Variants in CTSB observed in about 807,000 individuals in gnomAD.
CTSB encodes APP secretase.
Under a neutral mutation model 44.3 loss-of-function variants are expected in CTSB, and 57 were observed. That is an observed-to-expected ratio of 1.29 (90% CI 1.04 to 1.60). The LOEUF (loss-of-function observed/expected upper bound fraction) is 1.60. Ranked by LOEUF, CTSB falls within the 40% of genes most tolerant of loss-of-function variation. The pLI is 0.00. For synonymous variants in CTSB, 320 were observed against 168.0 expected, an observed-to-expected ratio of 1.91 and a Z score of -7.00; for missense variants, 768 against 443.0, an observed-to-expected ratio of 1.73 and a Z score of -6.59.
Position 11,843,158 on chromosome 8 carries a change from A to G in CTSB, c.*1967T>C, listed in dbSNP as rs1302314848. ...GAGGTGAGGTTTCAGCATGTTGGCC[A>G]GGCTGGTCTTGAACTCCTGACCTTG... is the stretch of plus-strand genomic sequence containing the variant. On this transcript the variant is annotated 3_prime_UTR_variant, in exon 10 of 10. Coordinates refer to ENST00000353047, the MANE Select transcript of CTSB (RefSeq NM_001908.5). The G allele has an allele frequency of 2.0e-5, 3 of 151,594 alleles. No individual in the cohort carries two copies. Among genetic ancestry groups the G allele is most frequent in the African/African-American group, 7.3e-5 (3 of 41,146 alleles). 9.4% of individuals were successfully genotyped at this position (151,594 alleles called of 1,614,324 possible).
chr8:11,843,987 G>A lies in CTSB; in HGVS notation c.*1138C>T, dbSNP rs1021901133. 1 of 152,222 alleles carries A rather than the reference G, an allele frequency of 6.6e-6. No homozygotes were observed. The highest frequency in any genetic ancestry group is 1.5e-5 in the Non-Finnish European group (1 of 68,078). The allele number at this position is 152,222 out of a possible 1,614,324, so 9.4% of individuals were successfully genotyped here. A position where few individuals can be genotyped will look rare whatever the true frequency, so the allele number is the denominator to read the frequency against. On this transcript the variant is annotated 3_prime_UTR_variant, in exon 10 of 10. Coordinates refer to ENST00000353047, the MANE Select transcript of CTSB (RefSeq NM_001908.5). ...GCTGCAGGTTGCAGTGAGCTGAGAA[G>A]GCGCCACTGCACTCCAGCCTGGGAG...
intron 1 of CTSB, among the ~76,000 whole-genome samples, chr8:11,855,781 G>A (rs966310154): frequency 6.4e-4 from 97 of 152,272 alleles, no homozygotes; most frequent in African/African-American, 2.3e-3. Context: ...ACTTTGGGAG[G>A]CTGAGGCAGG....
chr8:11,859,194 T>A (rs561796987), intron 1 of CTSB, among the ~76,000 whole-genome samples: 1 of 152,070 alleles, frequency 6.6e-6, no homozygotes, highest in Admixed American at 6.6e-5. Flanking sequence ...AGAGCACTTA[T>A]GAGAAAGCAC....
At chr8:11,865,237 G>A (rs1050938537) in intron 1 of CTSB, among the ~76,000 whole-genome samples, 16 of 152,116 alleles carry the variant, frequency 1.1e-4, no homozygotes, top group African/African-American at 3.9e-4. Context: ...AATTTCCTTA[G>A]GCCAGACCAT....
At position 11,844,261 on chromosome 8, in the gene CTSB, C is replaced by G. The variant is rs1563370109; in HGVS notation, c.*864G>C. The G allele has an allele frequency of 1.3e-5, 2 of 152,232 alleles. No individual in the cohort carries two copies. The highest frequency in any genetic ancestry group is 6.5e-5 in the Admixed American group (1 of 15,282). 9.4% of individuals were successfully genotyped at this position (152,232 alleles called of 1,614,324 possible). On this transcript the variant is annotated 3_prime_UTR_variant, in exon 10 of 10. Transcript: ENST00000353047. Reference sequence around the variant, plus strand: ...GATTCTCTGCAGGGACAAAGAGAGACAGCAGCTACAAGTCTATAGGCAGTG... The same window carrying G: ...GATTCTCTGCAGGGACAAAGAGAGAGAGCAGCTACAAGTCTATAGGCAGTG...
At chr8:11,865,259 A>G (rs932428053) in intron 1 of CTSB, among the ~76,000 whole-genome samples, 12 of 152,204 alleles carry the variant, frequency 7.9e-5, no homozygotes, top group African/African-American at 1.2e-4. Context: ...GAAAAGAGGC[A>G]GCAGACTGGG....
chr8:11,853,879 G>A (rs367910210), intron 1 of CTSB: 5 of 156,726 alleles, frequency 3.2e-5, no homozygotes, highest in African/African-American at 1.2e-4. Context: ...AGGGGACAGG[G>A]AAATGTAAGA....
chr8:11,867,177 G>A (rs1817276708), intron 1 of CTSB: 1 of 152,250 alleles, frequency 6.6e-6, no homozygotes, highest in South Asian at 2.1e-4. Flanking sequence ...GCCCACCCCA[G>A]CCTGCCTGCA....
chr8:11,848,437 G>T (rs541182476), intron 5 of CTSB: 2 of 535,704 alleles, frequency 3.7e-6, no homozygotes, highest in African/African-American at 1.9e-5. Flanking sequence ...GTGCCCTTCC[G>T]GGTAGAACAC....
chr8:11,859,851 G>T (rs553097716), intron 1 of CTSB, among the ~76,000 whole-genome samples: 2 of 150,784 alleles, frequency 1.3e-5, no homozygotes, highest in African/African-American at 4.9e-5. Context: ...GAGGCAGGCG[G>T]ATCACGAGGT....
At chr8:11,858,913 T>C (rs1815950177) in intron 1 of CTSB, among the ~76,000 whole-genome samples, 1 of 152,222 alleles carries the variant, frequency 6.6e-6, no homozygotes, top group Non-Finnish European at 1.5e-5. Context: ...AATTCTGTGC[T>C]TTCTGCTCTG....
intron 5 of CTSB, 106 bp from the exon 6 acceptor site, chr8:11,848,258 G>C: frequency 2.1e-6 from 2 of 947,404 alleles, no homozygotes; most frequent in South Asian, 2.6e-5. Context: ...CCCACCCCCA[G>C]CTGCAGCAAG....
chr8:11,867,214 C>T (rs1456400930), intron 1 of CTSB: 1 of 152,320 alleles, frequency 6.6e-6, no homozygotes, highest in Non-Finnish European at 1.5e-5. Context: ...ACCCACTGCT[C>T]CCCAGAGGCC....
chr8:11,854,248 G>C (rs1419799232), intron 1 of CTSB, among the ~76,000 whole-genome samples: 1 of 152,172 alleles, frequency 6.6e-6, no homozygotes, highest in Non-Finnish European at 1.5e-5. Context: ...GGCGCGGGGA[G>C]CTGGGTGAGG....
At chr8:11,851,062 C>T (rs555707589) in intron 3 of CTSB, 82 bp from the exon 4 acceptor site, 3 of 877,520 alleles carry the variant, frequency 3.4e-6, no homozygotes, top group Non-Finnish European at 5.5e-6. Flanking sequence ...TTGGCTGGGC[C>T]ACACTCCCCT....
At chr8:11,846,019 C>T (rs1047692247) in intron 8 of CTSB, 12 of 377,046 alleles carry the variant, frequency 3.2e-5, no homozygotes, top group South Asian at 7.6e-5. Context: ...TAGATTCCTA[C>T]AAAATGTGCT....
chr8:11,848,382 G>T (rs1298815545), intron 5 of CTSB: 1 of 657,302 alleles, frequency 1.5e-6, no homozygotes, highest in East Asian at 2.9e-5. Flanking sequence ...TCCGGGAGAA[G>T]ACAGGAGGCT....
At chr8:11,849,346 A>C in intron 4 of CTSB, 182 bp from the exon 5 acceptor site, 1 of 498,934 alleles carries the variant, frequency 2.0e-6, no homozygotes, top group Non-Finnish European at 3.7e-6. Flanking sequence ...GGGTCTTGCT[A>C]CGTTGGCCAG....
chr8:11,862,928 C>G (rs1401922412), intron 1 of CTSB, among the ~76,000 whole-genome samples: 1 of 152,294 alleles, frequency 6.6e-6, no homozygotes, highest in East Asian at 1.9e-4. Context: ...ATCTTGATGA[C>G]CAGACCAAAG....
Sources: gnomAD v4.1 joint callset for allele counts (sites outside exome capture counted in the v4.1 genomes callset) on GRCh38, gnomAD v4.1.1 for gene constraint, MANE v1.5 for transcripts, NCBI Gene and HGNC (gene_info 2026-07-23, HGNC 2026-07-21) for gene names.